AGBL4: variants seen among roughly 807,000 people sequenced by gnomAD.
AGBL4 encodes the protein AGBL carboxypeptidase 4.
Under a neutral mutation model 66.4 loss-of-function variants are expected in AGBL4, and 58 were observed. The observed-to-expected ratio is 0.87, with a 90% CI of 0.71 to 1.09. The LOEUF is 1.09. Among genes scored for constraint, AGBL4 ranks in the 50% least tolerant of loss-of-function variants. AGBL4 has a pLI of 0.00. For synonymous variants in AGBL4, 234 were observed against 222.9 expected (o/e 1.05, Z -0.44); for missense variants, 579 against 631.0 (o/e 0.92, Z 0.88).
At chr1:49,047,481 G>A (rs1183259023) in intron 4 of AGBL4, among the ~76,000 whole-genome samples, 1 of 152,030 alleles carries the variant, frequency 6.6e-6, no homozygotes, top group Non-Finnish European at 1.5e-5. Context: ...TTCTTATAAT[G>A]GAAATATATC....
At chr1:48,844,511 A>G (rs933711721) in intron 6 of AGBL4, among the ~76,000 whole-genome samples, 3 of 152,242 alleles carry the variant, frequency 2.0e-5, no homozygotes, top group Non-Finnish European at 4.4e-5. Flanking sequence ...GTGCAAAGTC[A>G]TATGCCCTGT....
chr1:48,819,458 G>A (rs1047739743), intron 6 of AGBL4, among the ~76,000 whole-genome samples: 1 of 152,154 alleles, frequency 6.6e-6, no homozygotes, highest in African/African-American at 2.4e-5. Context: ...GCAGGGTCAG[G>A]AAGTGGCCAG....
At chr1:49,498,919 T>C (rs1046580787) in intron 3 of AGBL4, among the ~76,000 whole-genome samples, 1 of 152,050 alleles carries the variant, frequency 6.6e-6, no homozygotes, top group South Asian at 2.1e-4. Context: ...TACTTGATCA[T>C]GGGTAATGAT....
chr1:49,191,798 T>C (rs1184012169), intron 4 of AGBL4, among the ~76,000 whole-genome samples: 1 of 152,220 alleles, frequency 6.6e-6, no homozygotes, highest in African/African-American at 2.4e-5. Flanking sequence ...GATGTTGTTC[T>C]TTTTTATGGC....
At chr1:49,668,133 G>A (rs1330859536) in intron 3 of AGBL4, among the ~76,000 whole-genome samples, 2 of 152,164 alleles carry the variant, frequency 1.3e-5, no homozygotes, top group African/African-American at 4.8e-5. Flanking sequence ...CTTGCTGAAG[G>A]TCACCCAATT....
At chr1:48,555,298 C>T (rs1644305437) in intron 11 of AGBL4, among the ~76,000 whole-genome samples, 1 of 151,862 alleles carries the variant, frequency 6.6e-6, no homozygotes. Context: ...CAATTGCATA[C>T]AACGACAAAC....
chr1:49,917,042 T>C (rs1012573812), intron 1 of AGBL4, among the ~76,000 whole-genome samples: 1 of 152,012 alleles, frequency 6.6e-6, no homozygotes, highest in Non-Finnish European at 1.5e-5. Flanking sequence ...TGCTGAGAGA[T>C]TTTGTCACCA....
At chr1:48,619,947 A>G (rs780348299) in intron 9 of AGBL4, among the ~76,000 whole-genome samples, 5 of 152,162 alleles carry the variant, frequency 3.3e-5, no homozygotes, top group African/African-American at 1.2e-4. Flanking sequence ...AATTCATTCT[A>G]GAAGCATCCT....
intron 1 of AGBL4, among the ~76,000 whole-genome samples, chr1:49,857,682 G>A (rs1441866902): frequency 6.6e-6 from 1 of 152,092 alleles, no homozygotes; most frequent in Non-Finnish European, 1.5e-5. Flanking sequence ...ACATGCAGAA[G>A]AATGAAACTA....
At chr1:48,830,736 G>C (rs1228394343) in intron 6 of AGBL4, among the ~76,000 whole-genome samples, 4 of 152,122 alleles carry the variant, frequency 2.6e-5, no homozygotes, top group Non-Finnish European at 5.9e-5. Flanking sequence ...ATAACTTTGG[G>C]CACCTAGCAA....
At chr1:48,848,697 C>A (rs1418293163) in intron 6 of AGBL4, among the ~76,000 whole-genome samples, 1 of 152,128 alleles carries the variant, frequency 6.6e-6, no homozygotes, top group Non-Finnish European at 1.5e-5. Context: ...AGTTTTCAAT[C>A]CTGCATTCTT....
chr1:49,756,748 TCTC>T (rs780520441), intron 2 of AGBL4, among the ~76,000 whole-genome samples: 1 of 152,180 alleles, frequency 6.6e-6, no homozygotes, highest in Non-Finnish European at 1.5e-5. Context: ...GCTTGGCACT[TCTC>T]CTTCTTGCCA....
intron 3 of AGBL4, among the ~76,000 whole-genome samples, chr1:49,309,389 T>A (rs1644905473): frequency 6.6e-6 from 1 of 152,072 alleles, no homozygotes; most frequent in Admixed American, 6.6e-5. Flanking sequence ...TGATTCACTG[T>A]GTCAAGAGTG....
intron 3 of AGBL4, among the ~76,000 whole-genome samples, chr1:49,478,563 A>G (rs1430050794): frequency 6.6e-6 from 1 of 152,016 alleles, no homozygotes; most frequent in Non-Finnish European, 1.5e-5. Flanking sequence ...TTTCATCAAC[A>G]CTAGACCTGC....
At chr1:49,845,836 T>C in intron 2 of AGBL4, 1 of 1,490,560 alleles carries the variant, frequency 6.7e-7, no homozygotes, top group Non-Finnish European at 9.3e-7. Context: ...GCCGTTCGAC[T>C]GCAGTCAGTG....
chr1:48,919,816 A>T (rs1360319569), intron 5 of AGBL4, among the ~76,000 whole-genome samples: 3 of 152,224 alleles, frequency 2.0e-5, no homozygotes, highest in Non-Finnish European at 2.9e-5. Context: ...ACCTCCAGTC[A>T]AAAACCACTG....
intron 6 of AGBL4, among the ~76,000 whole-genome samples, chr1:48,730,987 GC>G (rs989385730): frequency 6.6e-6 from 1 of 152,064 alleles, no homozygotes; most frequent in African/African-American, 2.4e-5. Context: ...GTCAATGTTT[GC>G]CCCATCCCTC....
chr1:49,579,146 C>T (rs949477013), intron 3 of AGBL4, among the ~76,000 whole-genome samples: 4 of 152,190 alleles, frequency 2.6e-5, no homozygotes, highest in Admixed American at 6.5e-5. Context: ...TTCCTTGCTG[C>T]TCAAGCGTGC....
At chr1:48,800,833 A>C (rs1312950459) in intron 6 of AGBL4, among the ~76,000 whole-genome samples, 1 of 152,200 alleles carries the variant, frequency 6.6e-6, no homozygotes, top group Non-Finnish European at 1.5e-5. Flanking sequence ...CAGGATAAGT[A>C]TTCAGGTTTC....
Sources: gnomAD v4.1 joint callset for allele counts (sites outside exome capture counted in the v4.1 genomes callset) on GRCh38, gnomAD v4.1.1 for gene constraint, MANE v1.5 for transcripts, NCBI Gene and HGNC (gene_info 2026-07-23, HGNC 2026-07-21) for gene names.